Variants in AAK1 observed in about 807,000 individuals in gnomAD.
The protein encoded by AAK1 is AP2 associated kinase 1, also known as AP2-associated protein kinase 1.
Under a neutral mutation model 116.0 loss-of-function variants are expected in AAK1, and 37 were observed. The observed-to-expected ratio is 0.32, with a 90% CI of 0.25 to 0.42. The LOEUF is 0.42. AAK1 is among the 10% of genes least tolerant of loss of function. The probability of loss-of-function intolerance (pLI) is 1.00; values close to 1 mark genes in which losing one functional copy is unlikely to be tolerated. For synonymous variants in AAK1, 458 were observed against 439.9 expected (o/e 1.04, Z -0.51); for missense variants, 919 against 1,170.6 (o/e 0.79, Z 3.14).
At position 69,465,870 on chromosome 2, in the gene AAK1, C is replaced by T. The variant is rs376431257; in HGVS notation, c.*9999G>A. The T allele has an allele frequency of 7.1e-4, 920 of 1,290,836 alleles. No individual in the cohort carries two copies. Among genetic ancestry groups the T allele is most frequent in the Non-Finnish European group, 8.5e-4 (839 of 988,856 alleles). 80.0% of individuals were successfully genotyped at this position (1,290,836 alleles called of 1,614,324 possible). On this transcript the variant is annotated 3_prime_UTR_variant, in exon 22 of 22. Transcript: ENST00000409085. ...GACAGAGGTGTACACAGCTCTCTCA[C>T]GGCCCGCGGGCAGGGGGACATCACC... is the stretch of plus-strand genomic sequence containing the variant.
At chr2:69,643,346 G>C in intron 1 of AAK1, 72 bp from the exon 2 acceptor site, 4 of 1,229,232 alleles carry the variant, frequency 3.3e-6, no homozygotes, top group Non-Finnish European at 4.1e-6. Context: ...GAGTCCTAGG[G>C]GGAGCAAAAG....
intron 13 of AAK1, among the ~76,000 whole-genome samples, chr2:69,511,235 G>T (rs1445664879): frequency 6.6e-6 from 1 of 152,158 alleles, no homozygotes; most frequent in Non-Finnish European, 1.5e-5. Flanking sequence ...ACAGTTTAAG[G>T]AAACTAGACT....
chr2:69,594,773 T>C (rs1226662393), intron 2 of AAK1: 6 of 1,011,300 alleles, frequency 5.9e-6, no homozygotes, highest in Non-Finnish European at 7.7e-6. Flanking sequence ...TTTCTCTTCT[T>C]ACCTCCTCCC....
At chr2:69,476,051 A>G in intron 21 of AAK1, 88 bp from the exon 22 acceptor site, 1 of 1,477,896 alleles carries the variant, frequency 6.8e-7, no homozygotes, top group Non-Finnish European at 9.0e-7. Flanking sequence ...AAACCAAACC[A>G]AAACCAAAAC....
At chr2:69,633,713 TA>T (rs2105263831) in intron 2 of AAK1, among the ~76,000 whole-genome samples, 1 of 151,758 alleles carries the variant, frequency 6.6e-6, no homozygotes, top group East Asian at 1.9e-4. Context: ...CTGTGGGAAA[TA>T]AATTTCTATT....
chr2:69,473,872 C>T lies in AAK1; in HGVS notation c.*1997G>A. ...TCTGACCTGCAGCAATTTTCCTGTC[C>T]ATAAAGGGGTAAACCAAGTCCTATT... On this transcript the variant is annotated 3_prime_UTR_variant, in exon 22 of 22. Coordinates refer to ENST00000409085, the MANE Select transcript of AAK1 (RefSeq NM_014911.5). The T allele has an allele frequency of 1.0e-6, 1 of 985,704 alleles. No individual in the cohort carries two copies. The highest frequency in any genetic ancestry group is 1.2e-6 in the Non-Finnish European group (1 of 829,898). The allele number at this position is 985,704 out of a possible 1,614,324, so 61.1% of individuals were successfully genotyped here. A position where few individuals can be genotyped will look rare whatever the true frequency, so the allele number is the denominator to read the frequency against.
chr2:69,637,324 T>C (rs1287963497), intron 2 of AAK1, among the ~76,000 whole-genome samples: 1 of 152,222 alleles, frequency 6.6e-6, no homozygotes, highest in Non-Finnish European at 1.5e-5. Context: ...GCGCAGCATC[T>C]GCAGCTATTT....
At position 69,473,711 on chromosome 2, in the gene AAK1, C is replaced by A. The variant is rs1026963676; in HGVS notation, c.*2158G>T. ...AATTAAATTGAGAAACTAGATATTT[C>A]ATTATATTTCTAACATGTATATACG... On this transcript the variant is annotated 3_prime_UTR_variant, in exon 22 of 22. Transcript: ENST00000409085. The A allele has an allele frequency of 1.0e-6, 1 of 959,254 alleles. No homozygotes were observed. Among genetic ancestry groups the A allele is most frequent in the African/African-American group, 1.8e-5 (1 of 56,646 alleles). 59.4% of individuals were successfully genotyped at this position (959,254 alleles called of 1,614,324 possible).
intron 17 of AAK1, among the ~76,000 whole-genome samples, chr2:69,483,467 C>T (rs1377911820): frequency 6.6e-6 from 1 of 152,168 alleles, no homozygotes; most frequent in Non-Finnish European, 1.5e-5. Flanking sequence ...CTTTGTTGAT[C>T]CATTCACCAA....
rs1158861251 is a variant in AAK1 at position 69,495,878 on chromosome 2, G to A, written c.2365+107C>T. ...TATACAACAGCAGCCTATTATTAGGGCTTGGAATTCAGATCCTTTTCACGG... is the reference window on the plus strand; with the variant it reads ...TATACAACAGCAGCCTATTATTAGGACTTGGAATTCAGATCCTTTTCACGG... On this transcript the variant is annotated intron_variant, in intron 17 of 21. Transcript: ENST00000409085. 3.4e-6 allele frequency: 3 copies of A among 871,740 alleles called. No individual in the cohort carries two copies. In the East Asian group the frequency reaches 8.2e-5, roughly 24 times the overall value. 54.0% of individuals were successfully genotyped at this position (871,740 alleles called of 1,614,324 possible).
chr2:69,507,117 C>G (rs1676216047), intron 15 of AAK1, among the ~76,000 whole-genome samples: 2 of 152,252 alleles, frequency 1.3e-5, no homozygotes, highest in Middle Eastern at 3.4e-3. Context: ...AGGGACCATG[C>G]CTGATGCTGT....
chr2:69,615,981 A>G (rs568744944), intron 2 of AAK1, among the ~76,000 whole-genome samples: 4 of 152,328 alleles, frequency 2.6e-5, no homozygotes, highest in African/African-American at 9.6e-5. Context: ...CATGCCTGTA[A>G]TCACAGCACT....
At chr2:69,519,591 G>T (rs1294256073) in intron 11 of AAK1, among the ~76,000 whole-genome samples, 1 of 152,188 alleles carries the variant, frequency 6.6e-6, no homozygotes, top group Non-Finnish European at 1.5e-5. Flanking sequence ...CTCTTGGCAT[G>T]CAGCATGACA....
chr2:69,598,249 T>C (rs1230476571), intron 2 of AAK1: 4 of 461,214 alleles, frequency 8.7e-6, no homozygotes, highest in Non-Finnish European at 1.5e-5. Flanking sequence ...ACCAGAGAAG[T>C]TTTTCACAGG....
intron 5 of AAK1, among the ~76,000 whole-genome samples, chr2:69,541,769 G>A (rs1428254191): frequency 6.6e-6 from 1 of 152,134 alleles, no homozygotes; most frequent in Non-Finnish European, 1.5e-5. Flanking sequence ...CATTTAACAA[G>A]CATGCTAGGG....
chr2:69,576,374 G>A (rs1672315808), intron 2 of AAK1, among the ~76,000 whole-genome samples: 1 of 151,726 alleles, frequency 6.6e-6, no homozygotes, highest in Non-Finnish European at 1.5e-5. Context: ...GGGTACATGT[G>A]AAGGTTTATT....
rs949436823 is a variant in AAK1 at position 69,530,276 on chromosome 2, A to C, written c.739-136T>G. 1.2e-5 allele frequency: 11 copies of C among 936,770 alleles called. No homozygotes were observed. In the African/African-American group the frequency reaches 1.7e-4, roughly 14 times the overall value. The allele number at this position is 936,770 out of a possible 1,614,324, so 58.0% of individuals were successfully genotyped here. On this transcript the variant is annotated intron_variant, in intron 7 of 21. Transcript: ENST00000409085. ...AGACTATTAATGTATTAGAAACATG[A>C]GTTTTAGAACCCAACACCACTGTTA...
At chr2:69,562,885 A>G (rs1010732900) in intron 2 of AAK1, among the ~76,000 whole-genome samples, 2 of 151,550 alleles carry the variant, frequency 1.3e-5, no homozygotes, top group African/African-American at 4.9e-5. Context: ...GCGAGACTCC[A>G]TCTCAAAAAC....
intron 2 of AAK1, among the ~76,000 whole-genome samples, chr2:69,582,348 C>T (rs766442569): frequency 6.6e-5 from 10 of 152,142 alleles, no homozygotes; most frequent in African/African-American, 9.7e-5. Context: ...CAGAGTATCT[C>T]TATACATGAA....
Sources: gnomAD v4.1 joint callset for allele counts (sites outside exome capture counted in the v4.1 genomes callset) on GRCh38, gnomAD v4.1.1 for gene constraint, MANE v1.5 for transcripts, NCBI Gene and HGNC (gene_info 2026-07-23, HGNC 2026-07-21) for gene names.